MME: variants seen among roughly 807,000 people sequenced by gnomAD.
MME encodes the protein membrane metalloendopeptidase, also known as neprilysin.
A neutral mutation model predicts 113.2 loss-of-function variants in MME; 98 were observed. The ratio of observed to expected loss-of-function variants is 0.87; its 90% CI spans 0.74 to 1.02. The LOEUF (loss-of-function observed/expected upper bound fraction) is 1.02, where lower values mean the gene tolerates loss of function less well. Ranked by LOEUF, MME falls within the 50% of genes least tolerant of loss-of-function variation. The pLI is 0.00. For synonymous variants in MME, 292 were observed against 300.6 expected (o/e 0.97, Z 0.30); for missense variants, 836 against 896.0 (o/e 0.93, Z 0.86).
intron 8 of MME, 57 bp downstream of exon 8, chr3:155,118,868 C>A: frequency 8.9e-7 from 1 of 1,117,536 alleles, no homozygotes; most frequent in Non-Finnish European, 1.3e-6. Context: ...TGTAAACCTA[C>A]AAGTAATGAA....
At chr3:155,122,248 A>G (rs1349257617) in intron 8 of MME, among the ~76,000 whole-genome samples, 1 of 152,018 alleles carries the variant, frequency 6.6e-6, no homozygotes, top group African/African-American at 2.4e-5. Context: ...GTATTTCTGT[A>G]GGATCGGTGG....
chr3:155,114,530 A>G (rs186191816), intron 3 of MME, among the ~76,000 whole-genome samples: 1 of 152,356 alleles, frequency 6.6e-6, no homozygotes, highest in Admixed American at 6.5e-5. Context: ...CTTTTCTAAA[A>G]TGATAAAAAT....
intron 8 of MME, among the ~76,000 whole-genome samples, chr3:155,124,697 C>G (rs916826071): frequency 2.6e-5 from 4 of 151,160 alleles, no homozygotes; most frequent in African/African-American, 4.9e-5. Context: ...GTCAGTGTGC[C>G]CCTGCTGGGG....
chr3:155,065,208 G>A lies in MME; in HGVS notation c.-10-18950G>A, dbSNP rs369376605. On this transcript the variant is annotated intron_variant, in intron 1 of 22. Transcript: ENST00000492661. The stretch of plus-strand genomic sequence containing the variant: ...AGTCTCATTTCTGAAGTGTGTGTGT[G>A]AGTGTGTGTTTCTTTTAACTAACCA... Among the ~76,000 whole-genome samples the A allele has an allele frequency of 5.5e-4, 83 of 152,292 alleles. 4 individuals are homozygous for A. In the South Asian group the frequency reaches 0.017, roughly 31 times the overall value.
intron 8 of MME, among the ~76,000 whole-genome samples, chr3:155,131,352 C>T (rs942795812): frequency 5.9e-5 from 9 of 152,142 alleles, no homozygotes; most frequent in Admixed American, 5.9e-4. Context: ...CGGAGCTTGT[C>T]TCACTGCATA....
At chr3:155,067,755 T>C (rs899279883) in intron 1 of MME, among the ~76,000 whole-genome samples, 1 of 152,132 alleles carries the variant, frequency 6.6e-6, no homozygotes. Flanking sequence ...CCAATTACAA[T>C]GGCTAAAACT....
At position 155,066,032 on chromosome 3, in the gene MME, A is replaced by G. The variant is rs76941117; in HGVS notation, c.-10-18126A>G. Among the ~76,000 whole-genome samples the G allele has an allele frequency of 4.0e-3, 602 of 152,346 alleles. 4 individuals are homozygous for G. In the East Asian group the frequency reaches 0.057, roughly 14 times the overall value. On this transcript the variant is annotated intron_variant, in intron 1 of 22. Coordinates refer to the MME transcript ENST00000492661. Reference sequence around the variant, plus strand: ...GTTTCACTATTCACTTAGCAGAGCGAAGGGCTATTAGACCAGGAAGACAAT... The same window carrying G: ...GTTTCACTATTCACTTAGCAGAGCGGAGGGCTATTAGACCAGGAAGACAAT...
intron 1 of MME, among the ~76,000 whole-genome samples, chr3:155,068,521 T>C (rs1366549261): frequency 6.6e-6 from 1 of 152,258 alleles, no homozygotes; most frequent in African/African-American, 2.4e-5. Context: ...TAGGCTGGTC[T>C]GACACGGTGT....
chr3:155,104,893 T>C (rs1576588691), intron 3 of MME, among the ~76,000 whole-genome samples: 3 of 152,348 alleles, frequency 2.0e-5, no homozygotes, highest in African/African-American at 7.2e-5. Flanking sequence ...CCCTAATAGC[T>C]TTTTGCCAGC....
intron 3 of MME, among the ~76,000 whole-genome samples, chr3:155,092,923 C>T (rs1716415576): frequency 6.6e-6 from 1 of 152,016 alleles, no homozygotes; most frequent in South Asian, 2.1e-4. Context: ...TGGACTGTGA[C>T]AAATTCTCAG....
rs1171910497 is a variant in MME at position 155,115,010 on chromosome 3, A to G, written c.213A>G (p.Gln71=). The part of the protein sequence containing the change: ...DCIKSAARLI[Q]NMDATTEPCT... The stretch of plus-strand genomic sequence containing the variant: ...CTCTTGCAGCTGCTCGACTGATCCA[A>G]AACATGGATGCCACCACTGAGCCTT... Residue 71 remains glutamine (Q), a synonymous_variant, in exon 4 of 23, where the codon CAA becomes CAG. Transcript: ENST00000360490. 5 of 1,614,134 alleles carry G rather than the reference A, an allele frequency of 3.1e-6. No homozygotes were observed. The highest frequency in any genetic ancestry group is 3.4e-6 in the Non-Finnish European group (4 of 1,179,980).
Position 155,166,509 on chromosome 3 carries a change from A to C in MME, c.1661-393A>C, listed in dbSNP as rs545177987. Among the ~76,000 whole-genome samples, 32 of 152,316 alleles carry C rather than the reference A, an allele frequency of 2.1e-4. 1 individual carries two copies. Among genetic ancestry groups the C allele is most frequent in the Non-Finnish European group, 4.0e-4 (27 of 68,020 alleles). ...GTAACTATTTCTTCCAAATATTTATAAGGCAGAAAGGACCTTCTGAATGAA... is the reference window on the plus strand; with the variant it reads ...GTAACTATTTCTTCCAAATATTTATCAGGCAGAAAGGACCTTCTGAATGAA... On this transcript the variant is annotated intron_variant, in intron 17 of 22. Transcript: ENST00000360490.
intron 8 of MME, among the ~76,000 whole-genome samples, chr3:155,133,741 GGTGTATATATATAT>G (rs1720388815): frequency 7.4e-6 from 1 of 134,838 alleles, no homozygotes; most frequent in Non-Finnish European, 1.6e-5. Context: ...ACATATATAT[GGTGTATATATATAT>G]GTGTATATAT....
At chr3:155,056,211 G>A (rs942864829) in intron 1 of MME, among the ~76,000 whole-genome samples, 3 of 151,536 alleles carry the variant, frequency 2.0e-5, no homozygotes, top group Admixed American at 1.3e-4. Context: ...AAGTTTTAGG[G>A]TACATATGCA....
At chr3:155,063,143 T>A (rs1358324728) in intron 1 of MME, among the ~76,000 whole-genome samples, 1 of 137,428 alleles carries the variant, frequency 7.3e-6, no homozygotes, top group East Asian at 2.0e-4. Context: ...ATAATTATGT[T>A]ATATATTTAT....
At chr3:155,045,089 ATTT>A (rs1264560862) in intron 1 of MME, among the ~76,000 whole-genome samples, 1 of 151,382 alleles carries the variant, frequency 6.6e-6, no homozygotes, top group East Asian at 1.9e-4. Flanking sequence ...CTTTAAACTG[ATTT>A]TTCAGAAAGT....
chr3:155,043,539 T>C (rs1275553663), intron 1 of MME, among the ~76,000 whole-genome samples: 5 of 151,850 alleles, frequency 3.3e-5, no homozygotes, highest in Admixed American at 3.3e-4. Flanking sequence ...TCCATGTTGG[T>C]CAGGCTGGTC....
chr3:155,176,408 GCA>G (rs1444015548), intron 22 of MME, among the ~76,000 whole-genome samples: 2 of 152,118 alleles, frequency 1.3e-5, no homozygotes, highest in African/African-American at 4.8e-5. Flanking sequence ...AGAAACACAA[GCA>G]CACAGTTTTG....
chr3:155,128,786 A>T (rs1280415601), intron 8 of MME, among the ~76,000 whole-genome samples: 1 of 152,152 alleles, frequency 6.6e-6, no homozygotes. Context: ...TAAATACTAC[A>T]GAATCAGCAA....
Sources: allele counts gnomAD v4.1 joint callset (sites outside exome capture counted in the v4.1 genomes callset), GRCh38; gene constraint gnomAD v4.1.1; transcripts MANE v1.5; gene names NCBI Gene and HGNC (gene_info 2026-07-23, HGNC 2026-07-21).